ADAMTS20: variants seen among roughly 807,000 people sequenced by gnomAD.
ADAMTS20 encodes the protein ADAM metallopeptidase with thrombospondin type 1 motif 20.
A neutral mutation model predicts 260.1 loss-of-function variants in ADAMTS20; 225 were observed. The ratio of observed to expected loss-of-function variants is 0.87; its 90% confidence interval spans 0.78 to 0.97. The LOEUF (loss-of-function observed/expected upper bound fraction) is 0.97. Among genes scored for constraint, ADAMTS20 ranks in the 50% least tolerant of loss-of-function variants. ADAMTS20 has a pLI of 0.00. For synonymous variants in ADAMTS20, 802 were observed against 769.5 expected, an observed-to-expected ratio of 1.04 and a Z score of -0.70; for missense variants, 2,400 against 2,337.7, an observed-to-expected ratio of 1.03 and a Z score of -0.55.
intron 28 of ADAMTS20, among the ~76,000 whole-genome samples, chr12:43,420,997 G>C (rs1050164022): frequency 1.3e-5 from 2 of 150,130 alleles, no homozygotes; most frequent in Non-Finnish European, 3.0e-5. Flanking sequence ...TAGTAGAGAC[G>C]GGGGTTTCAC....
intron 37 of ADAMTS20, among the ~76,000 whole-genome samples, chr12:43,360,260 C>T (rs1329250882): frequency 4.6e-5 from 7 of 152,038 alleles, no homozygotes; most frequent in African/African-American, 1.7e-4. Flanking sequence ...ACCAGCCTGG[C>T]CAACAGGGTG....
intron 3 of ADAMTS20, among the ~76,000 whole-genome samples, chr12:43,530,829 T>C (rs1417383974): frequency 2.0e-5 from 3 of 152,224 alleles, no homozygotes; most frequent in East Asian, 3.9e-4. Context: ...TAGAAATCTA[T>C]GCTTCTTAGA....
chr12:43,442,187 T>C (rs999276266), intron 16 of ADAMTS20, among the ~76,000 whole-genome samples: 5 of 151,556 alleles, frequency 3.3e-5, no homozygotes, highest in African/African-American at 9.8e-5. Flanking sequence ...TTTACTCACT[T>C]CAATTTAGAC....
At chr12:43,509,717 A>T (rs185244950) in intron 3 of ADAMTS20, among the ~76,000 whole-genome samples, 29 of 152,194 alleles carry the variant, frequency 1.9e-4, no homozygotes, top group African/African-American at 7.0e-4. Context: ...CGGAAGTGAA[A>T]TTATGTGGTT....
intron 29 of ADAMTS20, among the ~76,000 whole-genome samples, chr12:43,393,340 T>G (rs1940635247): frequency 6.6e-6 from 1 of 152,014 alleles, no homozygotes; most frequent in Non-Finnish European, 1.5e-5. Context: ...ACCACCTAAT[T>G]GACTGGGATG....
chr12:43,409,656 GAA>G (rs1178469118), intron 28 of ADAMTS20, among the ~76,000 whole-genome samples: 1 of 105,866 alleles, frequency 9.4e-6, no homozygotes, highest in Non-Finnish European at 2.0e-5. Flanking sequence ...ACCAATCCAA[GAA>G]TCCCAATATT....
chr12:43,519,411 C>G (rs1209799070), intron 3 of ADAMTS20, among the ~76,000 whole-genome samples: 1 of 151,968 alleles, frequency 6.6e-6, no homozygotes, highest in Non-Finnish European at 1.5e-5. Context: ...CAGGATAGTC[C>G]TGCAACAGTG....
Position 43,454,056 on chromosome 12 carries a change from T to C in ADAMTS20, c.1615-4A>G. 2 of 1,607,746 alleles carry C rather than the reference T, an allele frequency of 1.2e-6. No individual in the cohort carries two copies. Among genetic ancestry groups the C allele is most frequent in the Non-Finnish European group, 1.7e-6 (2 of 1,177,938 alleles). On this transcript the variant is annotated splice_polypyrimidine_tract_variant and splice_region_variant and intron_variant, in intron 11 of 38. Transcript: ENST00000389420. ...CACATAGCCCATGACGGCAATGCTA[T>C]AAAAATAATAAGCACAAAAAGAAAT...
intron 28 of ADAMTS20, among the ~76,000 whole-genome samples, chr12:43,418,045 C>T (rs1941164283): frequency 6.6e-6 from 1 of 152,184 alleles, no homozygotes; most frequent in African/African-American, 2.4e-5. Flanking sequence ...GTTTTAAGCA[C>T]ACAGACTTTT....
At chr12:43,514,086 T>TAAAAAAAAAAAAAAAAA (rs71091163) in intron 3 of ADAMTS20, among the ~76,000 whole-genome samples, 1 of 100,572 alleles carries the variant, frequency 9.9e-6, no homozygotes, top group Non-Finnish European at 2.0e-5. Flanking sequence ...GAATAAACTC[T>TAAAAAAAAAAAAAAAAA]AAAAAAAAAA....
intron 3 of ADAMTS20, among the ~76,000 whole-genome samples, chr12:43,508,127 C>G (rs1479984116): frequency 6.6e-6 from 1 of 151,570 alleles, no homozygotes; most frequent in Non-Finnish European, 1.5e-5. Flanking sequence ...GCACATGTAC[C>G]CCAAACCTAA....
At chr12:43,450,686 A>G (rs1217916318) in intron 14 of ADAMTS20, among the ~76,000 whole-genome samples, 1 of 151,856 alleles carries the variant, frequency 6.6e-6, no homozygotes, top group African/African-American at 2.4e-5. Context: ...ACTTTAACTG[A>G]AGGAATAAGT....
At chr12:43,386,690 A>G (rs1166248898) in intron 29 of ADAMTS20, among the ~76,000 whole-genome samples, 4 of 152,104 alleles carry the variant, frequency 2.6e-5, no homozygotes, top group Admixed American at 1.3e-4. Context: ...ACTCCTTTTC[A>G]TTCTTTTATC....
At chr12:43,499,325 A>C (rs895780967) in intron 4 of ADAMTS20, among the ~76,000 whole-genome samples, 1 of 152,120 alleles carries the variant, frequency 6.6e-6, no homozygotes, top group Non-Finnish European at 1.5e-5. Context: ...AAGCACATGC[A>C]TTGGTCTGTT....
At chr12:43,484,002 C>A (rs534916032) in intron 7 of ADAMTS20, among the ~76,000 whole-genome samples, 1 of 152,236 alleles carries the variant, frequency 6.6e-6, no homozygotes, top group Non-Finnish European at 1.5e-5. Flanking sequence ...ATAGACCCAC[C>A]ACATCACTAC....
chr12:43,516,299 A>T (rs1415398888), intron 3 of ADAMTS20, among the ~76,000 whole-genome samples: 1 of 152,184 alleles, frequency 6.6e-6, no homozygotes, highest in Non-Finnish European at 1.5e-5. Flanking sequence ...CAGACGTGTC[A>T]ATGTCTTTAA....
At chr12:43,410,923 C>A (rs1399197120) in intron 28 of ADAMTS20, among the ~76,000 whole-genome samples, 1 of 152,056 alleles carries the variant, frequency 6.6e-6, no homozygotes, top group African/African-American at 2.4e-5. Flanking sequence ...ACAATTGAAG[C>A]TTTATGCACT....
At chr12:43,403,567 A>G (rs1940854556) in intron 28 of ADAMTS20, among the ~76,000 whole-genome samples, 2 of 152,152 alleles carry the variant, frequency 1.3e-5, no homozygotes, top group East Asian at 3.8e-4. Flanking sequence ...AGATTTTACA[A>G]GCTGGGTAAC....
intron 14 of ADAMTS20, among the ~76,000 whole-genome samples, chr12:43,448,108 T>C (rs1941795863): frequency 1.3e-5 from 2 of 152,076 alleles, no homozygotes; most frequent in Non-Finnish European, 2.9e-5. Context: ...AAAACTACCA[T>C]TAATATTCTT....
Sources: allele counts gnomAD v4.1 joint callset (sites outside exome capture counted in the v4.1 genomes callset), GRCh38; gene constraint gnomAD v4.1.1; transcripts MANE v1.5; gene names NCBI Gene and HGNC (gene_info 2026-07-23, HGNC 2026-07-21).